The following ADAMTS14 variants were observed in gnomAD, a reference collection of about 807,000 sequenced individuals.
ADAMTS14 encodes A disintegrin and metalloproteinase with thrombospondin motifs 14.
ADAMTS14 carries 100 observed loss-of-function variants against 128.6 expected under a neutral mutation model. The ratio of observed to expected loss-of-function variants is 0.78; its 90% CI spans 0.66 to 0.92. The LOEUF is 0.92. Among genes scored for constraint, ADAMTS14 ranks in the 40% least tolerant of loss-of-function variants. ADAMTS14 has a pLI of 0.00. For synonymous variants in ADAMTS14, 665 were observed against 653.8 expected, an observed-to-expected ratio of 1.02 and a Z score of -0.26; for missense variants, 1,562 against 1,658.6, an observed-to-expected ratio of 0.94 and a Z score of 1.01.
At chr10:70,712,174 C>T (rs1031891710) in intron 4 of ADAMTS14, among the ~76,000 whole-genome samples, 2 of 152,016 alleles carry the variant, frequency 1.3e-5, no homozygotes, top group Admixed American at 6.5e-5. Context: ...AGCTGGGGAC[C>T]GATCCCATTA....
intron 4 of ADAMTS14, among the ~76,000 whole-genome samples, chr10:70,721,019 CTTTTTTTTTTTTTTTT>C (rs56656736): frequency 2.4e-5 from 2 of 84,336 alleles, no homozygotes; most frequent in Non-Finnish European, 4.3e-5. Flanking sequence ...TCTCTTTTTT[CTTTTTTTTTTTTTTTT>C]TTTTTTTGAG....
At chr10:70,736,569 C>A in intron 9 of ADAMTS14, 111 bp from the exon 10 acceptor site, 4 of 925,928 alleles carry the variant, frequency 4.3e-6, no homozygotes, top group Non-Finnish European at 4.7e-6. Context: ...GCCTTCCCTG[C>A]AGTGCCCTGG....
At chr10:70,678,307 G>A (rs943174498) in intron 2 of ADAMTS14, among the ~76,000 whole-genome samples, 1 of 152,196 alleles carries the variant, frequency 6.6e-6, no homozygotes, top group Non-Finnish European at 1.5e-5. Context: ...TGTCCTCGAG[G>A]AACTTGGGTG....
chr10:70,736,273 G>T (rs919087498), intron 9 of ADAMTS14, among the ~76,000 whole-genome samples: 1 of 5,298 alleles, frequency 1.9e-4, no homozygotes, highest in Non-Finnish European at 7.8e-4. Context: ...GTGCTGGGGT[G>T]GGGGGGGTCT....
intron 9 of ADAMTS14, among the ~76,000 whole-genome samples, 167 bp from the exon 10 acceptor site, chr10:70,736,513 G>A (rs1193454120): frequency 4.6e-5 from 7 of 152,108 alleles, no homozygotes; most frequent in East Asian, 1.9e-4. Context: ...GGAGGCTGCC[G>A]GTACTTGGAG....
intron 2 of ADAMTS14, among the ~76,000 whole-genome samples, chr10:70,685,885 GGCT>G (rs1304154648): frequency 2.0e-5 from 3 of 152,146 alleles, no homozygotes; most frequent in Non-Finnish European, 2.9e-5. Context: ...TGAGGGGGAG[GGCT>G]GCTTAACTTC....
chr10:70,721,239 G>A (rs1306079729), intron 4 of ADAMTS14, among the ~76,000 whole-genome samples: 2 of 151,632 alleles, frequency 1.3e-5, no homozygotes, highest in African/African-American at 2.4e-5. Flanking sequence ...TGGTAAGGCT[G>A]GTCTCCAACT....
At chr10:70,704,973 C>G (rs1840614950) in intron 3 of ADAMTS14, among the ~76,000 whole-genome samples, 1 of 151,988 alleles carries the variant, frequency 6.6e-6, no homozygotes, top group Non-Finnish European at 1.5e-5. Context: ...CTCTCACAAC[C>G]CCACATCCAC....
intron 11 of ADAMTS14, among the ~76,000 whole-genome samples, chr10:70,739,504 A>G (rs544917839): frequency 2.0e-5 from 3 of 151,532 alleles, no homozygotes; most frequent in South Asian, 2.1e-4. Flanking sequence ...CATCCCCTCT[A>G]TAGGGACCTT....
In ADAMTS14 at chr10:70,716,991, G is replaced by T. The variant is rs139012346; in HGVS notation, c.870+8213G>T. ...CTCAGCCTTGTCGCACACGCTGCTG[G>T]GCGCTGTCTTTTTCTGTGCCTGTTT... On this transcript the variant is annotated intron_variant, in intron 4 of 21. Transcript: ENST00000373207. Among the ~76,000 whole-genome samples, 29 of 152,310 alleles carry T rather than the reference G, an allele frequency of 1.9e-4. No homozygotes were observed. In the East Asian group the frequency reaches 4.6e-3, roughly 24 times the overall value.
At chr10:70,682,626 A>G (rs2132539229) in intron 2 of ADAMTS14, among the ~76,000 whole-genome samples, 1 of 152,242 alleles carries the variant, frequency 6.6e-6, no homozygotes, top group Admixed American at 6.5e-5. Context: ...TCCCCAGTAC[A>G]CTCAGCTGTT....
At chr10:70,743,942 G>A (rs1310217508) in intron 13 of ADAMTS14, 124 bp from the exon 14 acceptor site, 1 of 1,353,972 alleles carries the variant, frequency 7.4e-7, no homozygotes, top group African/African-American at 1.5e-5. Flanking sequence ...CCAGAATCCT[G>A]TCCAGGGACA....
chr10:70,742,980 T>C (rs2132711070), intron 12 of ADAMTS14, among the ~76,000 whole-genome samples: 1 of 152,292 alleles, frequency 6.6e-6, no homozygotes, highest in African/African-American at 2.4e-5. Flanking sequence ...GTCATACATG[T>C]GCACAGTGAA....
chr10:70,729,190 G>A, intron 4 of ADAMTS14, 104 bp from the exon 5 acceptor site: 17 of 973,448 alleles, frequency 1.7e-5, no homozygotes, highest in Non-Finnish European at 2.6e-5. Context: ...GCCTGATAAG[G>A]TCACGGTGGG....
In ADAMTS14 at chr10:70,708,706, G is replaced by T. The variant is rs771965381; in HGVS notation, c.798G>T (p.Val266=). The T allele has an allele frequency of 2.5e-6, 4 of 1,613,862 alleles. No individual in the cohort carries two copies. In the African/African-American group the frequency reaches 4.0e-5, roughly 16 times the overall value. The stretch of plus-strand genomic sequence containing the variant: ...GCTACAGCATCGAGGTGCTGCTGGT[G>T]GTGGACGACTCGGTGGTTCGCTTCC... The part of the protein sequence containing the change: ...PGSYSIEVLL[V]VDDSVVRFHG... The change falls in exon 4 of 22, where the codon GTG becomes GTT. Residue 266 remains valine, a synonymous_variant. Transcript: ENST00000373207.
chr10:70,729,464 G>T, intron 5 of ADAMTS14, 87 bp downstream of exon 5: 1 of 1,116,650 alleles, frequency 9.0e-7, no homozygotes, highest in East Asian at 2.4e-5. Context: ...GGGCTGCAGG[G>T]GTAAGCATCC....
At position 70,753,856 on chromosome 10, in the gene ADAMTS14, A is replaced by G; in HGVS notation, c.2786A>G (p.Gln929Arg). Residue 929 changes from glutamine (Q) to arginine (R), a missense_variant, in exon 19 of 22, where the codon CAG becomes CGG. Transcript: ENST00000373207. ...CGGAGCTGTGGGAAGCTGGGGGTGC[A>G]GACACGGGGGATACAGTGCCTGCTG... ...CSRSCGKLGV[Q>R]TRGIQCLLPL... The G allele has an allele frequency of 6.3e-7, 1 of 1,594,274 alleles. No homozygotes were observed. Among genetic ancestry groups the G allele is most frequent in the Non-Finnish European group, 8.5e-7 (1 of 1,171,636 alleles).
intron 2 of ADAMTS14, among the ~76,000 whole-genome samples, chr10:70,683,700 G>T (rs1472035261): frequency 6.6e-6 from 1 of 152,208 alleles, no homozygotes; most frequent in East Asian, 1.9e-4. Context: ...TGGGCTGGCT[G>T]GTTCCTCCCC....
At chr10:70,732,201 T>C in intron 6 of ADAMTS14, 53 bp from the exon 7 acceptor site, 1 of 1,505,532 alleles carries the variant, frequency 6.6e-7, no homozygotes, top group Non-Finnish European at 9.2e-7. Flanking sequence ...CAGTGTGTCC[T>C]GCCTCACCTG....
Sources: allele counts gnomAD v4.1 joint callset (sites outside exome capture counted in the v4.1 genomes callset), GRCh38; gene constraint gnomAD v4.1.1; transcripts MANE v1.5; gene names NCBI Gene and HGNC (gene_info 2026-07-23, HGNC 2026-07-21).